Variants in RANBP2 observed in about 807,000 individuals in gnomAD.
RANBP2 encodes the protein RAN binding protein 2.
In RANBP2, 57 loss-of-function variants were observed where a neutral mutation model predicts 303.6. That is an observed-to-expected ratio of 0.19 (90% CI 0.15 to 0.23). The LOEUF is 0.23. Among genes scored for constraint, RANBP2 ranks in the 10% least tolerant of loss-of-function variants. RANBP2 has a pLI of 1.00. For missense variants in RANBP2, 3,138 were observed against 3,780.8 expected, an observed-to-expected ratio of 0.83 and a Z score of 4.46; for synonymous variants, 1,167 against 1,301.5, an observed-to-expected ratio of 0.90 and a Z score of 2.23.
chr2:109,103,146 G>GA, the RANBP2 span, among the ~76,000 whole-genome samples: 140 of 152,140 alleles, frequency 9.2e-4, no homozygotes, highest in Non-Finnish European at 9.4e-4. Context: ...CTGGTGGGAG[G>GA]AAAAAACATC....
the RANBP2 span, among the ~76,000 whole-genome samples, chr2:109,415,957 C>T: frequency 6.6e-6 from 1 of 152,136 alleles, no homozygotes. Flanking sequence ...GGGAGCAGGG[C>T]TGGTGGCTTT....
the RANBP2 span, among the ~76,000 whole-genome samples, chr2:108,864,579 C>G: frequency 4.6e-5 from 7 of 151,956 alleles, no homozygotes; most frequent in African/African-American, 1.7e-4. Flanking sequence ...GGGCAGATCA[C>G]GAGGTTAGGA....
the RANBP2 span, among the ~76,000 whole-genome samples, chr2:109,078,106 A>AGCGTG: frequency 2.3e-5 from 2 of 88,632 alleles, no homozygotes; most frequent in South Asian, 4.0e-4. Flanking sequence ...ATATATATAT[A>AGCGTG]TATATATATA....
At chr2:109,618,736 G>A in the RANBP2 span, 2 of 167,002 alleles carry the variant, frequency 1.2e-5, no homozygotes, top group East Asian at 1.9e-4. Flanking sequence ...GAGACTATGT[G>A]GTTAAAAAAC....
At chr2:108,748,362 C>T (rs1450102554) in intron 8 of RANBP2, among the ~76,000 whole-genome samples, 3 of 148,466 alleles carry the variant, frequency 2.0e-5, no homozygotes, top group Admixed American at 6.7e-5. Context: ...CGCCAGCCAC[C>T]AGGGCCGGCT....
At chr2:108,932,461 G>A in the RANBP2 span, among the ~76,000 whole-genome samples, 1 of 149,762 alleles carries the variant, frequency 6.7e-6, no homozygotes. Context: ...CCCGGGAGGC[G>A]GAGCTTGCAG....
chr2:109,719,094 T>C, the RANBP2 span, among the ~76,000 whole-genome samples: 4 of 129,086 alleles, frequency 3.1e-5, no homozygotes, highest in African/African-American at 5.1e-5. Flanking sequence ...ATGTGAATTA[T>C]ATCTTTTTTT....
At chr2:109,456,222 G>A in the RANBP2 span, among the ~76,000 whole-genome samples, 8 of 152,194 alleles carry the variant, frequency 5.3e-5, no homozygotes, top group African/African-American at 1.2e-4. Flanking sequence ...TGGCACTGGC[G>A]TTGGCTGGGC....
chr2:109,674,606 GA>G, the RANBP2 span, among the ~76,000 whole-genome samples: 6 of 150,820 alleles, frequency 4.0e-5, no homozygotes, highest in South Asian at 2.1e-4. Context: ...CAAGAAAAAA[GA>G]AAAAAAATAT....
chr2:108,758,319 T>C (rs954749465), intron 17 of RANBP2, 94 bp from the exon 18 acceptor site: 1 of 1,539,500 alleles, frequency 6.5e-7, no homozygotes, highest in Non-Finnish European at 8.7e-7. Flanking sequence ...AAAAATCAGT[T>C]ATTTAAATTT....
chr2:109,454,328 C>T, the RANBP2 span, among the ~76,000 whole-genome samples: 5 of 152,204 alleles, frequency 3.3e-5, no homozygotes, highest in Non-Finnish European at 7.3e-5. Context: ...GGACCCTTAC[C>T]TGGTGGGGTG....
chr2:109,019,712 A>C, the RANBP2 span, among the ~76,000 whole-genome samples: 1 of 152,186 alleles, frequency 6.6e-6, no homozygotes, highest in Non-Finnish European at 1.5e-5. Flanking sequence ...ATACTGACTT[A>C]TAAAGAAAAC....
the RANBP2 span, among the ~76,000 whole-genome samples, chr2:109,141,303 A>T: frequency 6.6e-6 from 1 of 152,020 alleles, no homozygotes; most frequent in African/African-American, 2.4e-5. Context: ...CGGCTTTTGC[A>T]GTTGCCACTG....
At chr2:108,832,614 C>T in the RANBP2 span, among the ~76,000 whole-genome samples, 199 of 152,230 alleles carry the variant, frequency 1.3e-3, no homozygotes, top group Non-Finnish European at 2.3e-3. Context: ...CCAAGTGATG[C>T]TCTTTCTGTA....
the RANBP2 span, among the ~76,000 whole-genome samples, chr2:108,912,939 G>A: frequency 4.7e-5 from 7 of 150,154 alleles, no homozygotes; most frequent in Admixed American, 2.7e-4. Flanking sequence ...AAGAGTCATC[G>A]TTATTGTTCT....
the RANBP2 span, among the ~76,000 whole-genome samples, chr2:109,405,202 C>T: frequency 7.2e-5 from 11 of 152,160 alleles, no homozygotes; most frequent in African/African-American, 2.7e-4. Flanking sequence ...GGAGAGACGC[C>T]TCAACTTCAG....
At chr2:109,164,333 C>A in the RANBP2 span, among the ~76,000 whole-genome samples, 1 of 152,152 alleles carries the variant, frequency 6.6e-6, no homozygotes, top group East Asian at 1.9e-4. Context: ...ACAGCACAGG[C>A]TGCAACCCCT....
At chr2:108,792,558 G>A in the RANBP2 span, among the ~76,000 whole-genome samples, 33 of 152,164 alleles carry the variant, frequency 2.2e-4, no homozygotes, top group African/African-American at 8.0e-4. Context: ...TTGGTGAGTC[G>A]GGAACCTAGA....
the RANBP2 span, among the ~76,000 whole-genome samples, chr2:108,886,480 T>A: frequency 6.6e-6 from 1 of 152,172 alleles, no homozygotes; most frequent in African/African-American, 2.4e-5. Context: ...AGTGGTGCAA[T>A]CTCAGCTCCC....
Sources: allele counts gnomAD v4.1 joint callset (sites outside exome capture counted in the v4.1 genomes callset), GRCh38; gene constraint gnomAD v4.1.1; transcripts MANE v1.5; gene names NCBI Gene and HGNC (gene_info 2026-07-23, HGNC 2026-07-21).